OSBPL5: variants seen among roughly 807,000 people sequenced by gnomAD.
OSBPL5 encodes oxysterol binding protein like 5.
A neutral mutation model predicts 111.2 loss-of-function variants in OSBPL5; 71 were observed. The ratio of observed to expected loss-of-function variants is 0.64; its 90% CI spans 0.53 to 0.78. OSBPL5 has a LOEUF of 0.78. OSBPL5 is among the 30% of genes least tolerant of loss of function. The pLI is 0.00. For missense variants in OSBPL5, 1,210 were observed against 1,189.3 expected, an observed-to-expected ratio of 1.02 and a Z score of -0.26; for synonymous variants, 549 against 513.9, an observed-to-expected ratio of 1.07 and a Z score of -0.93.
intron 11 of OSBPL5, 106 bp downstream of exon 11, chr11:3,103,133 T>G: frequency 2.1e-6 from 2 of 960,192 alleles, no homozygotes; most frequent in Non-Finnish European, 3.1e-6. Flanking sequence ...CTAAGCCATG[T>G]GGGGTAGGGG....
Position 3,126,728 on chromosome 11 carries a change from C to T in OSBPL5, c.137-173G>A. On this transcript the variant is annotated intron_variant, in intron 2 of 21. Coordinates refer to ENST00000263650, the MANE Select transcript of OSBPL5 (RefSeq NM_020896.4). The surrounding 1 kb of genome is among the most constrained non-coding windows in gnomAD (Gnocchi z 6.5). ...CACTGCCTGAGAGGTGTAATAAACG[C>T]CAGCAAGCGTCACTGTGGGAGGAGT... 2 of 513,804 alleles carry T rather than the reference C, an allele frequency of 3.9e-6. No homozygotes were observed. Among genetic ancestry groups the T allele is most frequent in the South Asian group, 5.0e-5 (2 of 40,276 alleles). The allele number at this position is 513,804 out of a possible 1,614,324, so 31.8% of individuals were successfully genotyped here. A position where few individuals can be genotyped will look rare whatever the true frequency, so the allele number is the denominator to read the frequency against.
chr11:3,151,109 G>A (rs1046472731), intron 1 of OSBPL5, among the ~76,000 whole-genome samples: 7 of 152,138 alleles, frequency 4.6e-5, no homozygotes, highest in Non-Finnish European at 8.8e-5. Flanking sequence ...AGAACGTGCC[G>A]TGAAGACAGA....
intron 13 of OSBPL5, among the ~76,000 whole-genome samples, chr11:3,101,336 C>G (rs1857448599): frequency 6.6e-6 from 1 of 152,156 alleles, no homozygotes; most frequent in Non-Finnish European, 1.5e-5. Flanking sequence ...CTGCTCAGCC[C>G]CAGTCCGCAC....
chr11:3,100,044 G>T, intron 14 of OSBPL5, 114 bp downstream of exon 14: 1 of 817,164 alleles, frequency 1.2e-6, no homozygotes, highest in Non-Finnish European at 1.9e-6. Flanking sequence ...AAAAGTCATG[G>T]GCAGATGAAG....
At position 3,103,799 on chromosome 11, in the gene OSBPL5, T is replaced by C. The variant is rs1482573924; in HGVS notation, c.1244+394A>G. On this transcript the variant is annotated intron_variant, in intron 10 of 21. Coordinates refer to ENST00000263650, the MANE Select transcript of OSBPL5 (RefSeq NM_020896.4). ...AGCCTCTGCAGTCCCTTCCTGCCTC[T>C]GCAGCCCTCTTCCTGCCTGCGCAGC... is the stretch of plus-strand genomic sequence containing the variant. Among the ~76,000 whole-genome samples the C allele has an allele frequency of 8.0e-3, 357 of 44,880 alleles. 5 individuals are homozygous for C. Among genetic ancestry groups the C allele is most frequent in the South Asian group, 0.046 (70 of 1,514 alleles). 29.4% of individuals were successfully genotyped at this position (44,880 alleles called of 152,430 possible).
At chr11:3,164,969 C>T (rs1476841798) in intron 1 of OSBPL5, among the ~76,000 whole-genome samples, 1 of 151,420 alleles carries the variant, frequency 6.6e-6, no homozygotes, top group African/African-American at 2.4e-5. Flanking sequence ...CCGACCCGTC[C>T]TGGCCCGGGG....
Position 3,092,483 on chromosome 11 carries a change from C to T in OSBPL5, c.2208G>A (p.Glu736=). ...GGAAGGTGGTCTGGCGGGCCACGGC[C>T]TCCTGCTGCAAGGTCCGCAGGATCC... ...QDGILRTLQQ[E]AVARQTTFLG... The change falls in exon 19 of 22, where the codon GAG becomes GAA. Residue 736 remains glutamate, a synonymous_variant. Transcript: ENST00000263650. This position sits in a 1 kb window ranked among gnomAD's most constrained non-coding sequence, Gnocchi z 5.4. 5 of 1,575,902 alleles carry T rather than the reference C, an allele frequency of 3.2e-6. No homozygotes were observed. Among genetic ancestry groups the T allele is most frequent in the Non-Finnish European group, 4.3e-6 (5 of 1,161,264 alleles).
intron 1 of OSBPL5, among the ~76,000 whole-genome samples, chr11:3,145,156 C>T (rs1562352): frequency 0.78 from 118,799 of 152,214 alleles, 46,660 homozygotes; most frequent in African/African-American, 0.81. Flanking sequence ...GGGCTGGCCC[C>T]GTGCCCGCCT....
rs189048252 is a variant in OSBPL5 at position 3,142,197 on chromosome 11, G to A, written c.-21-13028C>T. Among the ~76,000 whole-genome samples, 519 of 152,342 alleles carry A rather than the reference G, an allele frequency of 3.4e-3. 3 individuals carry two copies. Among genetic ancestry groups the A allele is most frequent in the Non-Finnish European group, 5.5e-3 (373 of 68,030 alleles). ...GCGTCCCAAAGTGCTGGGATTACAG[G>A]CGTGAGCCACCGTGCCCGGCCGACA... On this transcript the variant is annotated intron_variant, in intron 1 of 21. Coordinates refer to ENST00000263650, the MANE Select transcript of OSBPL5 (RefSeq NM_020896.4). This position sits in a 1 kb window ranked among gnomAD's most constrained non-coding sequence, Gnocchi z 7.1.
intron 14 of OSBPL5, among the ~76,000 whole-genome samples, chr11:3,099,240 C>T (rs548617042): frequency 6.6e-6 from 1 of 152,152 alleles, no homozygotes; most frequent in Non-Finnish European, 1.5e-5. Flanking sequence ...TCCATCTAGT[C>T]ACGTCTAATC....
At chr11:3,160,763 T>C (rs1257987817) in intron 1 of OSBPL5, among the ~76,000 whole-genome samples, 1 of 123,080 alleles carries the variant, frequency 8.1e-6, no homozygotes, top group East Asian at 2.6e-4. Context: ...GAGCTCTCCC[T>C]CCCCTGGCCG....
rs1846062432 is a variant in OSBPL5, at chr11:3,140,148, G to A, written c.-21-10979C>T. 6.6e-6 allele frequency among the ~76,000 whole-genome samples: 1 copy of A among 152,228 alleles called. No individual in the cohort carries two copies. Among genetic ancestry groups the A allele is most frequent in the Non-Finnish European group, 1.5e-5 (1 of 68,036 alleles). On this transcript the variant is annotated intron_variant, in intron 1 of 21. Transcript: ENST00000263650. The surrounding 1 kb of genome is among the most constrained non-coding windows in gnomAD (Gnocchi z 4.5). ...GAACCCGGCCAAGGTCCCCCAAATT[G>A]CAGCCACCATCTCGGGCTGTATTAA...
intron 14 of OSBPL5, among the ~76,000 whole-genome samples, chr11:3,097,005 A>AGGGGGAAGATGGGAGGAGGAGAGGAAAG (rs1564824514): frequency 1.8e-3 from 29 of 16,494 alleles, no homozygotes; most frequent in Admixed American, 2.7e-3. Context: ...AAGAGGAAAG[A>AGGGGGAAGATGGGAGGAGGAGAGGAAAG]GGGGGAAGAC....
intron 1 of OSBPL5, among the ~76,000 whole-genome samples, chr11:3,135,087 C>T (rs981129659): frequency 6.6e-5 from 10 of 152,246 alleles, no homozygotes; most frequent in Admixed American, 4.6e-4. Flanking sequence ...TGTCCAAGAA[C>T]GTTTCCCCAG....
intron 1 of OSBPL5, among the ~76,000 whole-genome samples, chr11:3,160,672 T>TTCCCCCCCCCCCCCCCC (rs1846933748): frequency 8.2e-6 from 1 of 122,442 alleles, no homozygotes; most frequent in Admixed American, 8.4e-5. Flanking sequence ...ATGACAACCC[T>TTCCCCCCCCCCCCCCCC]CCCCCCCCCC....
chr11:3,101,346 C>G (rs949185601), intron 13 of OSBPL5, among the ~76,000 whole-genome samples: 2 of 152,194 alleles, frequency 1.3e-5, no homozygotes, highest in African/African-American at 4.8e-5. Flanking sequence ...CCAGTCCGCA[C>G]CTTTCCATGT....
chr11:3,091,185 C>G (rs10766611), intron 19 of OSBPL5, among the ~76,000 whole-genome samples: 43,456 of 152,228 alleles, frequency 0.29, 7,836 homozygotes, highest in East Asian at 0.78. Context: ...TGCTCACAAC[C>G]CCAGGAGTGC....
chr11:3,125,291 C>T (rs1016430144), intron 3 of OSBPL5, among the ~76,000 whole-genome samples: 8 of 152,188 alleles, frequency 5.3e-5, no homozygotes, highest in Non-Finnish European at 8.8e-5. Flanking sequence ...AATCATGTAT[C>T]GGATAAGGAC....
chr11:3,125,674 G>A (rs932949337), intron 3 of OSBPL5, among the ~76,000 whole-genome samples: 5 of 152,168 alleles, frequency 3.3e-5, no homozygotes, highest in East Asian at 1.9e-4. Flanking sequence ...GCGTGGTGGC[G>A]GGCGCCTGTA....
Sources: gnomAD v4.1 joint callset for allele counts (sites outside exome capture counted in the v4.1 genomes callset) on GRCh38, gnomAD v4.1.1 for gene constraint, Gnocchi (gnomAD v3.1) non-coding constraint, MANE v1.5 for transcripts, NCBI Gene and HGNC (gene_info 2026-07-23, HGNC 2026-07-21) for gene names.